The following CSMD1 variants were observed in gnomAD, a reference collection of about 807,000 sequenced individuals.
The protein encoded by CSMD1 is CUB and Sushi multiple domains 1.
A neutral mutation model predicts 417.5 loss-of-function variants in CSMD1; 213 were observed. That is an observed-to-expected ratio of 0.51 (90% CI 0.46 to 0.57). The LOEUF (loss-of-function observed/expected upper bound fraction) is 0.57, where lower values mean the gene tolerates loss of function less well. Ranked by LOEUF, CSMD1 falls within the 20% of genes least tolerant of loss-of-function variation. CSMD1 has a pLI of 0.00. For synonymous variants in CSMD1, 2,862 were observed against 1,736.8 expected (o/e 1.65, Z -16.11); for missense variants, 6,923 against 4,529.7 (o/e 1.53, Z -15.17).
intron 2 of CSMD1, among the ~76,000 whole-genome samples, chr8:4,541,577 G>C (rs1410580405): frequency 2.0e-5 from 3 of 151,798 alleles, no homozygotes; most frequent in East Asian, 2.0e-4. Context: ...GTAAAACCCT[G>C]TCTGTACTAA....
At chr8:3,854,918 CAT>C (rs1407094964) in intron 5 of CSMD1, among the ~76,000 whole-genome samples, 8 of 152,078 alleles carry the variant, frequency 5.3e-5, no homozygotes, top group African/African-American at 1.9e-4. Context: ...GCATTTCTAA[CAT>C]GTAACAATGT....
intron 23 of CSMD1, among the ~76,000 whole-genome samples, chr8:3,323,263 A>G (rs1172652325): frequency 6.6e-6 from 1 of 152,166 alleles, no homozygotes; most frequent in Non-Finnish European, 1.5e-5. Context: ...ACATTCTTGC[A>G]CCCTTAATAA....
intron 18 of CSMD1, chr8:3,373,310 C>T (rs1380849857): frequency 2.0e-5 from 3 of 152,248 alleles, no homozygotes; most frequent in Admixed American, 6.5e-5. Flanking sequence ...ACACAGAACC[C>T]GGAAATCACT....
chr8:3,246,309 A>C (rs1337236569), intron 26 of CSMD1, among the ~76,000 whole-genome samples: 1 of 151,960 alleles, frequency 6.6e-6, no homozygotes. Flanking sequence ...CACTGGCTAC[A>C]CGGTTCCCTG....
chr8:3,934,128 C>G (rs185774217), intron 5 of CSMD1, among the ~76,000 whole-genome samples: 5 of 152,100 alleles, frequency 3.3e-5, no homozygotes, highest in African/African-American at 1.2e-4. Context: ...TGATTACCCA[C>G]TTCACAAAAA....
intron 4 of CSMD1, among the ~76,000 whole-genome samples, chr8:4,024,171 A>T (rs1332726776): frequency 6.6e-6 from 1 of 152,194 alleles, no homozygotes; most frequent in Non-Finnish European, 1.5e-5. Context: ...CAGTTGTATT[A>T]TTCCAGTTCA....
At chr8:3,380,714 G>C (rs899713418) in intron 18 of CSMD1, among the ~76,000 whole-genome samples, 1 of 152,024 alleles carries the variant, frequency 6.6e-6, no homozygotes, top group Non-Finnish European at 1.5e-5. Context: ...ACAGGCTGGG[G>C]AAACATCACA....
At chr8:4,609,332 C>T (rs1042256424) in intron 2 of CSMD1, among the ~76,000 whole-genome samples, 3 of 152,098 alleles carry the variant, frequency 2.0e-5, no homozygotes, top group Non-Finnish European at 2.9e-5. Flanking sequence ...GCCTGGGAGG[C>T]AGAGGTTGTA....
At chr8:3,921,839 T>C (rs1435221590) in intron 5 of CSMD1, among the ~76,000 whole-genome samples, 1 of 152,178 alleles carries the variant, frequency 6.6e-6, no homozygotes, top group African/African-American at 2.4e-5. Flanking sequence ...GTGCAAAGCT[T>C]AGAAAAATGT....
At chr8:4,321,064 T>C (rs1267324606) in intron 3 of CSMD1, among the ~76,000 whole-genome samples, 1 of 152,170 alleles carries the variant, frequency 6.6e-6, no homozygotes, top group African/African-American at 2.4e-5. Flanking sequence ...ACAGATCTCT[T>C]ATGAAGTCTT....
chr8:4,864,421 C>T (rs930452697), intron 1 of CSMD1, among the ~76,000 whole-genome samples: 2 of 151,852 alleles, frequency 1.3e-5, no homozygotes, highest in African/African-American at 4.8e-5. Context: ...CCTTACTTTA[C>T]TATATCCACA....
chr8:4,085,912 C>T (rs1194057984), intron 3 of CSMD1, among the ~76,000 whole-genome samples: 2 of 151,942 alleles, frequency 1.3e-5, no homozygotes, highest in African/African-American at 2.4e-5. Context: ...GTTACCATTG[C>T]GTAAGGATGG....
chr8:3,346,144 A>G (rs1415698479), intron 22 of CSMD1, among the ~76,000 whole-genome samples: 1 of 152,252 alleles, frequency 6.6e-6, no homozygotes, highest in Non-Finnish European at 1.5e-5. Context: ...ATATGCCTGC[A>G]AAATGTGTAG....
intron 3 of CSMD1, among the ~76,000 whole-genome samples, chr8:4,219,948 T>C (rs191055956): frequency 2.6e-5 from 4 of 151,942 alleles, no homozygotes; most frequent in Non-Finnish European, 4.4e-5. Flanking sequence ...TTTTTAAAAA[T>C]TTTTTAATGC....
rs141068476 is a variant in CSMD1, at chr8:4,882,944, A to G, written c.85+111388T>C. The stretch of plus-strand genomic sequence containing the variant: ...TGAAGAAAACCATCAAGAGGGAGCT[A>G]GCAGTGTTAGCTCCAAACTAAACCT... On this transcript the variant is annotated intron_variant, in intron 1 of 69. Coordinates refer to ENST00000635120, the MANE Select transcript of CSMD1 (RefSeq NM_033225.6). Among the ~76,000 whole-genome samples, 364 of 152,168 alleles carry G rather than the reference A, an allele frequency of 2.4e-3. 2 individuals are homozygous for G. The highest frequency in any genetic ancestry group is 6.8e-3 in the Middle Eastern group (2 of 294).
chr8:3,390,500 T>A (rs1217892325), intron 17 of CSMD1, among the ~76,000 whole-genome samples: 1 of 152,062 alleles, frequency 6.6e-6, no homozygotes, highest in Non-Finnish European at 1.5e-5. Context: ...AGTCCTACCT[T>A]CTTTCCCATT....
intron 2 of CSMD1, among the ~76,000 whole-genome samples, chr8:4,543,489 G>T (rs1797491015): frequency 6.6e-6 from 1 of 151,894 alleles, no homozygotes. Context: ...CTTTAGCCCT[G>T]AATAATTTTG....
intron 51 of CSMD1, among the ~76,000 whole-genome samples, chr8:3,020,692 C>T (rs1328028524): frequency 1.3e-5 from 2 of 152,006 alleles, no homozygotes; most frequent in African/African-American, 2.4e-5. Flanking sequence ...ATAGGACAAC[C>T]GAGGCTCTAT....
At chr8:3,108,867 G>C in intron 43 of CSMD1, 119 bp from the exon 44 acceptor site, 2 of 955,030 alleles carry the variant, frequency 2.1e-6, no homozygotes, top group South Asian at 3.6e-5. Context: ...TGCATTCTCA[G>C]GATACTGTGT....
Sources: gnomAD v4.1 joint callset for allele counts (sites outside exome capture counted in the v4.1 genomes callset) on GRCh38, gnomAD v4.1.1 for gene constraint, MANE v1.5 for transcripts, NCBI Gene and HGNC (gene_info 2026-07-23, HGNC 2026-07-21) for gene names.